Variants in MAST4 observed in about 807,000 individuals in gnomAD.
MAST4 encodes microtubule-associated serine/threonine-protein kinase 4.
Under a neutral mutation model 162.7 loss-of-function variants are expected in MAST4, and 89 were observed. The ratio of observed to expected loss-of-function variants is 0.55; its 90% CI spans 0.46 to 0.65. The LOEUF is 0.65. Ranked by LOEUF, MAST4 falls within the 30% of genes least tolerant of loss-of-function variation. The pLI is 0.00. For missense variants in MAST4, 3,153 were observed against 3,374.0 expected, an observed-to-expected ratio of 0.93 and a Z score of 1.62; for synonymous variants, 1,479 against 1,361.1, an observed-to-expected ratio of 1.09 and a Z score of -1.91.
At chr5:66,857,659 G>A (rs1349050619) in intron 3 of MAST4, among the ~76,000 whole-genome samples, 1 of 152,078 alleles carries the variant, frequency 6.6e-6, no homozygotes, top group Non-Finnish European at 1.5e-5. Flanking sequence ...CTTTTTATAT[G>A]TTTAGTGGTC....
rs779988087 is a variant in MAST4, at chr5:67,163,830, C to T, written c.4651C>T (p.His1551Tyr). 6.2e-7 allele frequency: 1 copy of T among 1,613,446 alleles called. No homozygotes were observed. Among genetic ancestry groups the T allele is most frequent in the South Asian group, 1.1e-5 (1 of 90,912 alleles). ...ADGFPEKQES[H>Y]QKSHGPGSDL... ...CGGCTTCCCAGAGAAACAGGAATCC[C>T]ACCAGAAATCCCATGGACCCGGGAG... Residue 1551 changes from histidine (H) to tyrosine (Y), a missense_variant, in exon 29 of 29, where the codon CAC (histidine) becomes TAC (tyrosine). Transcript: ENST00000403625. This position sits in a 1 kb window ranked among gnomAD's most constrained non-coding sequence, Gnocchi z 7.0.
rs770476813 is a variant in MAST4, at chr5:67,102,625, T to C, written c.1146+14T>C. 1.0e-5 allele frequency: 16 copies of C among 1,599,388 alleles called. No individual in the cohort carries two copies. In the South Asian group the frequency reaches 1.5e-4, roughly 15 times the overall value. On this transcript the variant is annotated intron_variant, in intron 9 of 28. Transcript: ENST00000403625. ...AGGTTCCCAAAGGTAATGAATTGAA[T>C]TGAAGATGCCTAGCATCTAAACGAA...
chr5:66,708,113 TAGATTCAAAC>T (rs1750255326), intron 1 of MAST4, among the ~76,000 whole-genome samples: 1 of 152,226 alleles, frequency 6.6e-6, no homozygotes, highest in Non-Finnish European at 1.5e-5. Context: ...AACACCAACC[TAGATTCAAAC>T]ACAGCTCTGC....
intron 4 of MAST4, among the ~76,000 whole-genome samples, chr5:67,048,409 A>G (rs1757638434): frequency 6.6e-6 from 1 of 152,208 alleles, no homozygotes; most frequent in South Asian, 2.1e-4. Context: ...TAATTCATCC[A>G]AAAGTCAAAA....
rs747145552 is a variant in MAST4, at chr5:67,133,545, C to T, written c.2125C>T (p.Leu709=). The part of the protein sequence containing the change: ...LLVTSMGHIK[L]TDFGLSKVGL... ...GGTTACCTCCATGGGGCACATAAAG[C>T]TGACAGATTTTGGATTATCTAAGGT... Residue 709 remains leucine, a synonymous_variant, in exon 17 of 29, where the codon CTG becomes TTG. Transcript: ENST00000403625. 8.1e-6 allele frequency: 13 copies of T among 1,613,374 alleles called. No individual in the cohort carries two copies. In the East Asian group the frequency reaches 2.9e-4, roughly 36 times the overall value.
chr5:67,139,443 A>G (rs1770097454), intron 19 of MAST4, among the ~76,000 whole-genome samples: 1 of 152,204 alleles, frequency 6.6e-6, no homozygotes, highest in Non-Finnish European at 1.5e-5. Context: ...ACACTTTTGA[A>G]CTTGTAGAAT....
Position 66,971,705 on chromosome 5 carries a change from ATCT to A in MAST4, c.674+71728_674+71730del, listed in dbSNP as rs1222238165. Among the ~76,000 whole-genome samples, 3 of 152,120 alleles carry A rather than the reference ATCT, an allele frequency of 2.0e-5. No individual in the cohort carries two copies. The South Asian group carries it at 6.2e-4, about 32-fold the overall frequency. On this transcript the variant is annotated intron_variant, in intron 4 of 28. Transcript: ENST00000403625. The stretch of plus-strand genomic sequence containing the variant: ...CTTAACAGTTATCTTTTTTTAGTAG[ATCT>A]TCTTGAGGTGAATAAAAATTTACTT...
chr5:66,948,338 A>G (rs1415025615), intron 4 of MAST4, among the ~76,000 whole-genome samples: 1 of 152,188 alleles, frequency 6.6e-6, no homozygotes, highest in Non-Finnish European at 1.5e-5. Flanking sequence ...GGAAGGCATT[A>G]CTAGCGTTCA....
chr5:66,692,208 A>G (rs1334850395), intron 1 of MAST4, among the ~76,000 whole-genome samples: 3 of 152,090 alleles, frequency 2.0e-5, no homozygotes, highest in East Asian at 1.9e-4. Context: ...TAGGTGTTCA[A>G]TCGCATGGTA....
chr5:66,994,003 G>A (rs1750351967), intron 4 of MAST4, among the ~76,000 whole-genome samples: 1 of 138,924 alleles, frequency 7.2e-6, no homozygotes, highest in Admixed American at 8.5e-5. Context: ...ACCATGTGTG[G>A]AGAAATACTG....
chr5:67,049,585 T>C (rs1757919311), intron 4 of MAST4, among the ~76,000 whole-genome samples: 1 of 152,104 alleles, frequency 6.6e-6, no homozygotes, highest in East Asian at 1.9e-4. Context: ...CTGTGCAAAT[T>C]TATCAAATTT....
chr5:66,889,739 G>A (rs148951119), intron 3 of MAST4, among the ~76,000 whole-genome samples: 4 of 152,282 alleles, frequency 2.6e-5, no homozygotes, highest in African/African-American at 7.2e-5. Context: ...TAGCTAACAC[G>A]AAGGGTGCTC....
chr5:66,712,768 C>T (rs1561280039), intron 1 of MAST4, among the ~76,000 whole-genome samples: 1 of 152,156 alleles, frequency 6.6e-6, no homozygotes, highest in African/African-American at 2.4e-5. Context: ...AATAAACCCA[C>T]TAGTATGTCT....
chr5:67,132,766 A>G (rs1219139696), intron 16 of MAST4, among the ~76,000 whole-genome samples: 1 of 152,112 alleles, frequency 6.6e-6, no homozygotes, highest in Non-Finnish European at 1.5e-5. Context: ...TGAAAAGTTT[A>G]TGATAAAATT....
At chr5:66,636,640 C>G (rs1745139230) in intron 1 of MAST4, among the ~76,000 whole-genome samples, 1 of 152,090 alleles carries the variant, frequency 6.6e-6, no homozygotes, top group Non-Finnish European at 1.5e-5. Context: ...TTTGGTAAGT[C>G]ACTTGTGGTA....
At chr5:66,866,916 TTTTGTTTG>T (rs36034288) in intron 3 of MAST4, among the ~76,000 whole-genome samples, 8 of 150,764 alleles carry the variant, frequency 5.3e-5, no homozygotes, top group South Asian at 2.1e-4. Flanking sequence ...CGGCAGGCTT[TTTTGTTTG>T]TTTGTTTGTT....
At position 66,860,771 on chromosome 5, in the gene MAST4, A is replaced by C. The variant is rs1234901476; in HGVS notation, c.643-39180A>C. Among the ~76,000 whole-genome samples, 6 of 15,246 alleles carry C rather than the reference A, an allele frequency of 3.9e-4. 1 individual carries two copies. The South Asian group carries it at 0.026, about 67-fold the overall frequency. The allele number at this position is 15,246 out of a possible 152,430, so 10.0% of individuals were successfully genotyped here. ...GCCGCGAACTTAAAAAAACAAAACC[A>C]AAAAAAAAAAAAAAACAAACAAACC... On this transcript the variant is annotated intron_variant, in intron 3 of 28. Transcript: ENST00000403625.
chr5:66,756,594 T>TG (rs1246104382), intron 1 of MAST4, among the ~76,000 whole-genome samples: 2 of 152,246 alleles, frequency 1.3e-5, no homozygotes, highest in Non-Finnish European at 2.9e-5. Flanking sequence ...ACATGTTTGA[T>TG]GTCTACCATA....
intron 4 of MAST4, among the ~76,000 whole-genome samples, chr5:67,031,604 C>T (rs1483884897): frequency 1.3e-5 from 2 of 152,188 alleles, no homozygotes; most frequent in Non-Finnish European, 2.9e-5. Context: ...AAACTGCGTA[C>T]AGACTTAGTG....
Sources: gnomAD v4.1 joint callset for allele counts (sites outside exome capture counted in the v4.1 genomes callset) on GRCh38, gnomAD v4.1.1 for gene constraint, Gnocchi (gnomAD v3.1) non-coding constraint, MANE v1.5 for transcripts, NCBI Gene and HGNC (gene_info 2026-07-23, HGNC 2026-07-21) for gene names.